The following APBA3 variants were observed in gnomAD, a reference collection of about 807,000 sequenced individuals.
The protein encoded by APBA3 is amyloid beta precursor protein binding family A member 3, also known as amyloid-beta A4 precursor protein-binding family A member 3.
A neutral mutation model predicts 55.9 loss-of-function variants in APBA3; 45 were observed. The observed-to-expected ratio is 0.80, with a 90% CI of 0.63 to 1.03. The LOEUF (loss-of-function observed/expected upper bound fraction) is 1.03, where lower values mean the gene tolerates loss of function less well. Ranked by LOEUF, APBA3 falls within the 50% of genes least tolerant of loss-of-function variation. The pLI, the probability that APBA3 is intolerant of heterozygous loss-of-function variation, is 0.00. For synonymous variants in APBA3, 370 were observed against 353.3 expected (o/e 1.05, Z -0.53); for missense variants, 865 against 820.3 (o/e 1.05, Z -0.67).
At position 3,760,196 on chromosome 19, in the gene APBA3, G is replaced by A. The variant is rs1270986623; in HGVS notation, c.69C>T (p.Asp23=). 3.1e-6 allele frequency: 5 copies of A among 1,612,616 alleles called. No individual in the cohort carries two copies. The highest frequency in any genetic ancestry group is 4.2e-6 in the Non-Finnish European group (5 of 1,179,996). ...PPAMDLEGPR[D]ILVPSEDLTP... ...TGAGGTCCTCCGAAGGCACAAGAAT[G>A]TCCCTGGGCCCCTCCAAGTCCATGG... Residue 23 remains aspartate (D), a synonymous_variant, in exon 2 of 11, where the codon GAC becomes GAT. Transcript: ENST00000316757.
rs1482557159 is a variant in APBA3 at position 3,759,885 on chromosome 19, C to T, written c.380G>A (p.Gly127Asp). Residue 127 changes from glycine (G) to aspartate (D), a missense_variant, in exon 2 of 11, where the codon GGT becomes GAT. Gly to Asp is a moderately conservative substitution (Grantham distance 94). Transcript: ENST00000316757. ...HCEECPPSQT[G>D]PEEPLEPAPR... ...GGCAGGCTCTAGAGGCTCTTCAGGA[C>T]CAGTCTGGGAAGGCGGGCATTCCTC... 1 of 1,612,060 alleles carries T rather than the reference C, an allele frequency of 6.2e-7. No homozygotes were observed. Among genetic ancestry groups the T allele is most frequent in the Admixed American group, 1.7e-5 (1 of 59,694 alleles).
intron 3 of APBA3, chr19:3,755,289 A>G (rs2145721193): frequency 6.6e-6 from 1 of 152,320 alleles, no homozygotes; most frequent in Non-Finnish European, 1.5e-5. Flanking sequence ...CTCTAGAATC[A>G]GACTTCTCTG....
chr19:3,757,270 G>T (rs1024603473), intron 3 of APBA3, among the ~76,000 whole-genome samples: 2 of 151,352 alleles, frequency 1.3e-5, no homozygotes, highest in African/African-American at 4.8e-5. Flanking sequence ...GCTAATTTTG[G>T]GGGGGGATTT....
At chr19:3,754,619 C>G (rs1258589340) in intron 3 of APBA3, 9 of 416,702 alleles carry the variant, frequency 2.2e-5, no homozygotes, top group African/African-American at 1.9e-4. Flanking sequence ...CCACAGATAC[C>G]TTCACCCCGT....
At chr19:3,759,264 C>T (rs1331299182) in intron 3 of APBA3, among the ~76,000 whole-genome samples, 1 of 152,120 alleles carries the variant, frequency 6.6e-6, no homozygotes, top group Non-Finnish European at 1.5e-5. Context: ...ATCTTTAACT[C>T]GAGACCTACG....
chr19:3,752,771 G>A, intron 7 of APBA3, 49 bp downstream of exon 7: 1 of 1,609,416 alleles, frequency 6.2e-7, no homozygotes, highest in African/African-American at 1.3e-5. Flanking sequence ...CGGTGCAGGT[G>A]CACGGGTGTG....
chr19:3,752,693 C>T lies in APBA3; in HGVS notation c.1210G>A (p.Gly404Ser). Reference sequence around the variant, plus strand: ...GACTCCACCAGGGCCACGCCCAGGCCCTCCCCTCGCCGCTTCTCGAGGTGC... The same window carrying T: ...GACTCCACCAGGGCCACGCCCAGGCTCTCCCCTCGCCGCTTCTCGAGGTGC... The part of the protein sequence containing the change: ...EVHLEKRRGE[G>S]LGVALVESGW... The change falls in exon 8 of 11, where the codon GGC (glycine) becomes AGC (serine). Residue 404 changes from glycine to serine, a missense_variant. By Grantham distance (56) the Gly-to-Ser change is moderately conservative. Transcript: ENST00000316757. The T allele has an allele frequency of 6.3e-7, 1 of 1,594,878 alleles. No homozygotes were observed. The highest frequency in any genetic ancestry group is 8.5e-7 in the Non-Finnish European group (1 of 1,175,312).
chr19:3,753,603 G>C lies in APBA3; in HGVS notation c.1011+162C>G, dbSNP rs1005942693. 8 of 687,914 alleles carry C rather than the reference G, an allele frequency of 1.2e-5. 1 individual carries two copies. Among genetic ancestry groups the C allele is most frequent in the Non-Finnish European group, 1.6e-5 (7 of 432,104 alleles). The allele number at this position is 687,914 out of a possible 1,614,324, so 42.6% of individuals were successfully genotyped here. On this transcript the variant is annotated intron_variant, in intron 6 of 10. Transcript: ENST00000316757. ...TGAGGCTGCAGTGAACTATGATTGCGCCACTGCACTCCAGCCTGGGTGACA... is the reference window on the plus strand; with the variant it reads ...TGAGGCTGCAGTGAACTATGATTGCCCCACTGCACTCCAGCCTGGGTGACA...
rs2037119226 is a variant in APBA3 at position 3,759,619 on chromosome 19, G to A, written c.577-19C>T. ...CGGGGCTCTGGAAGAAGATAGAGGA[G>A]GGGCAGGACTGAGTCTCCCTGCTTG... On this transcript the variant is annotated intron_variant, in intron 2 of 10. Coordinates refer to ENST00000316757, the MANE Select transcript of APBA3 (RefSeq NM_004886.4). The A allele has an allele frequency of 1.9e-6, 3 of 1,599,782 alleles. No homozygotes were observed. Among genetic ancestry groups the A allele is most frequent in the African/African-American group, 1.3e-5 (1 of 74,142 alleles).
chr19:3,753,672 TGGGA>T lies in APBA3; in HGVS notation c.1011+89_1011+92del, dbSNP rs550197735. ...AAAAAAGAATTTAAAAATAAGCTTA[TGGGA>T]GGGAGGTTAAATGCACGGCCCACTG... is the stretch of plus-strand genomic sequence containing the variant. On this transcript the variant is annotated intron_variant, in intron 6 of 10. Coordinates refer to ENST00000316757, the MANE Select transcript of APBA3 (RefSeq NM_004886.4). 189 of 1,218,890 alleles carry T rather than the reference TGGGA, an allele frequency of 1.6e-4. No individual in the cohort carries two copies. In the East Asian group the frequency reaches 2.2e-3, roughly 14 times the overall value. 75.5% of individuals were successfully genotyped at this position (1,218,890 alleles called of 1,614,324 possible). A position where few individuals can be genotyped will look rare whatever the true frequency, so the allele number is the denominator to read the frequency against.
Position 3,751,566 on chromosome 19 carries a change from G to A in APBA3, c.1396-13C>T. On this transcript the variant is annotated splice_polypyrimidine_tract_variant and intron_variant, in intron 8 of 10. Transcript: ENST00000316757. The stretch of plus-strand genomic sequence containing the variant: ...GCGACTTCGTCTCCTGTGGGGCGGG[G>A]GCCGTTGGCCTCACTCAGCTGCCGG... 1 of 1,577,902 alleles carries A rather than the reference G, an allele frequency of 6.3e-7. No individual in the cohort carries two copies. Among genetic ancestry groups the A allele is most frequent in the Non-Finnish European group, 8.6e-7 (1 of 1,167,620 alleles).
At chr19:3,753,653 G>C in intron 6 of APBA3, 112 bp downstream of exon 6, 13 of 1,137,162 alleles carry the variant, frequency 1.1e-5, no homozygotes, top group Non-Finnish European at 1.6e-5. Context: ...CCCAAAAAAA[G>C]AATTTAAAAA....
chr19:3,753,528 C>T (rs1599172245), intron 6 of APBA3: 1 of 482,510 alleles, frequency 2.1e-6, no homozygotes, highest in Non-Finnish European at 3.6e-6. Flanking sequence ...CCCCGGTGGT[C>T]CCAGCTACTA....
At chr19:3,758,641 A>G (rs1046452426) in intron 3 of APBA3, among the ~76,000 whole-genome samples, 1 of 152,116 alleles carries the variant, frequency 6.6e-6, no homozygotes, top group Non-Finnish European at 1.5e-5. Flanking sequence ...GCACTTTAGG[A>G]GGCCAAGGCG....
intron 8 of APBA3, 158 bp from the exon 9 acceptor site, chr19:3,751,711 G>T: frequency 1.2e-6 from 1 of 861,046 alleles, no homozygotes; most frequent in Non-Finnish European, 1.7e-6. Flanking sequence ...AACAGACTCG[G>T]GCCCGGTGGG....
At chr19:3,756,895 C>G (rs1236559725) in intron 3 of APBA3, among the ~76,000 whole-genome samples, 4 of 152,154 alleles carry the variant, frequency 2.6e-5, no homozygotes, top group South Asian at 4.1e-4. Context: ...CACTAGATAA[C>G]TATTCCCTCC....
rs772292814 is a variant in APBA3, at chr19:3,753,821, G to T, written c.955C>A (p.Gln319Lys). ...RRRLARRPAP[Q>K]DHGRRLYKML... ...TTGTAGAGGCGGCGGCCGTGGTCCT[G>T]GGGTGCCGGCCTCCGTGCCAGCCGC... The change falls in exon 6 of 11, where the codon CAG becomes AAG. Residue 319 changes from glutamine to lysine, a missense_variant. Transcript: ENST00000316757. 1.2e-4 allele frequency: 184 copies of T among 1,576,028 alleles called. No individual in the cohort carries two copies. Among genetic ancestry groups the T allele is most frequent in the Non-Finnish European group, 1.1e-4 (131 of 1,163,274 alleles).
chr19:3,753,022 T>A, intron 6 of APBA3, 32 bp from the exon 7 acceptor site: 1 of 1,602,648 alleles, frequency 6.2e-7, no homozygotes, highest in Non-Finnish European at 8.5e-7. Context: ...CCCTGGGGTG[T>A]CCCACCCACC....
Position 3,751,473 on chromosome 19 carries a change from G to T in APBA3, c.1476C>A (p.His492Gln). ...PVTTAIIHRP[H>Q]AREQLGFCVE... ...CGCAGAAGCCCAGCTGCTCGCGGGC[G>T]TGGGGCCGGTGGATGATGGCGGTGG... The change falls in exon 9 of 11, where the codon CAC becomes CAA. Residue 492 changes from histidine (H) to glutamine (Q), a missense_variant. By Grantham distance (24) the His-to-Gln change is conservative. Transcript: ENST00000316757. The T allele has an allele frequency of 6.4e-7, 1 of 1,564,404 alleles. No homozygotes were observed. The highest frequency in any genetic ancestry group is 8.6e-7 in the Non-Finnish European group (1 of 1,159,182).
Sources: gnomAD v4.1 joint callset for allele counts (sites outside exome capture counted in the v4.1 genomes callset) on GRCh38, gnomAD v4.1.1 for gene constraint, MANE v1.5 for transcripts, NCBI Gene and HGNC (gene_info 2026-07-23, HGNC 2026-07-21) for gene names.